The following EXOC6B variants were observed in gnomAD, a reference collection of about 807,000 sequenced individuals.
EXOC6B encodes SEC15 homolog B.
Under a neutral mutation model 113.5 loss-of-function variants are expected in EXOC6B, and 54 were observed. That is an observed-to-expected ratio of 0.48 (90% CI 0.38 to 0.60). EXOC6B has a LOEUF of 0.60. EXOC6B is among the 20% of genes least tolerant of loss of function. The pLI is 0.00. For missense variants in EXOC6B, 797 were observed against 977.5 expected, an observed-to-expected ratio of 0.82 and a Z score of 2.46; for synonymous variants, 357 against 339.0, an observed-to-expected ratio of 1.05 and a Z score of -0.58.
intron 19 of EXOC6B, among the ~76,000 whole-genome samples, chr2:72,350,603 A>G (rs1689596661): frequency 6.6e-6 from 1 of 152,200 alleles, no homozygotes; most frequent in Non-Finnish European, 1.5e-5. Flanking sequence ...TTAAAAAATA[A>G]AAAGGAGAAG....
chr2:72,710,353 T>C (rs1474868844), intron 6 of EXOC6B, among the ~76,000 whole-genome samples: 1 of 152,124 alleles, frequency 6.6e-6, no homozygotes, highest in Non-Finnish European at 1.5e-5. Flanking sequence ...GTGTGCTTTT[T>C]CACTGAAGTC....
At chr2:72,368,688 T>A (rs1374058257) in intron 19 of EXOC6B, among the ~76,000 whole-genome samples, 1 of 152,202 alleles carries the variant, frequency 6.6e-6, no homozygotes, top group Non-Finnish European at 1.5e-5. Flanking sequence ...GCTTCATCCC[T>A]GGGATGCAAG....
intron 8 of EXOC6B, among the ~76,000 whole-genome samples, chr2:72,527,850 T>C (rs951683941): frequency 1.3e-5 from 2 of 152,028 alleles, no homozygotes; most frequent in African/African-American, 2.4e-5. Context: ...TCATGTCTTT[T>C]GCTCATTTTC....
rs545507942 is a variant in EXOC6B, at chr2:72,615,808, A to G, written c.670-40140T>C. Among the ~76,000 whole-genome samples the G allele has an allele frequency of 3.9e-5, 6 of 152,302 alleles. 1 individual carries two copies. Among genetic ancestry groups the G allele is most frequent in the Admixed American group, 1.3e-4 (2 of 15,302 alleles). On this transcript the variant is annotated intron_variant, in intron 6 of 21. Coordinates refer to ENST00000272427, the MANE Select transcript of EXOC6B (RefSeq NM_015189.3). The stretch of plus-strand genomic sequence containing the variant: ...GCCTCAGGCAAGTCCTTCAGGAGGT[A>G]TTCCAGAAGAAGGCATGGTTATTAT...
intron 8 of EXOC6B, among the ~76,000 whole-genome samples, chr2:72,555,807 T>C (rs551722514): frequency 6.6e-6 from 1 of 152,118 alleles, no homozygotes; most frequent in East Asian, 1.9e-4. Context: ...GCACCACGCC[T>C]GGCTAATTTT....
chr2:72,219,627 G>A (rs916121973), intron 20 of EXOC6B, among the ~76,000 whole-genome samples: 9 of 152,006 alleles, frequency 5.9e-5, no homozygotes, highest in African/African-American at 2.2e-4. Flanking sequence ...AACAGGAAGA[G>A]GAAGGAATTA....
intron 20 of EXOC6B, among the ~76,000 whole-genome samples, chr2:72,290,340 T>C (rs1002705230): frequency 2.6e-5 from 4 of 152,182 alleles, no homozygotes; most frequent in Non-Finnish European, 5.9e-5. Flanking sequence ...TACACTCACA[T>C]ATTACCTACA....
At chr2:72,341,274 G>T (rs2104906339) in intron 19 of EXOC6B, among the ~76,000 whole-genome samples, 1 of 152,160 alleles carries the variant, frequency 6.6e-6, no homozygotes, top group African/African-American at 2.4e-5. Flanking sequence ...ATTTAAGAGG[G>T]TAGATTTCAT....
chr2:72,634,402 C>T (rs1372905394), intron 6 of EXOC6B, among the ~76,000 whole-genome samples: 1 of 152,172 alleles, frequency 6.6e-6, no homozygotes, highest in Non-Finnish European at 1.5e-5. Context: ...CCACCAAAAA[C>T]CAAGTAGGAA....
At chr2:72,636,327 AGGAG>A (rs1553457113) in intron 6 of EXOC6B, among the ~76,000 whole-genome samples, 6 of 105,702 alleles carry the variant, frequency 5.7e-5, no homozygotes, top group South Asian at 4.2e-4. Flanking sequence ...GAGGGAGGGA[AGGAG>A]GGAAGGAAGG....
chr2:72,594,192 G>T (rs532136822), intron 6 of EXOC6B, among the ~76,000 whole-genome samples: 1 of 151,870 alleles, frequency 6.6e-6, no homozygotes, highest in Admixed American at 6.6e-5. Flanking sequence ...TATGTTGCCC[G>T]GGCTGCTCTC....
chr2:72,510,830 G>C (rs1038817636), intron 11 of EXOC6B, among the ~76,000 whole-genome samples: 2 of 151,516 alleles, frequency 1.3e-5, no homozygotes, highest in African/African-American at 4.8e-5. Flanking sequence ...GAAGACAATG[G>C]GTGCACTACC....
chr2:72,506,876 T>C (rs1700622454), intron 11 of EXOC6B, among the ~76,000 whole-genome samples: 1 of 152,110 alleles, frequency 6.6e-6, no homozygotes, highest in Middle Eastern at 3.2e-3. Flanking sequence ...ATCTTTTCAG[T>C]ATTATCATAT....
chr2:72,229,756 G>C, intron 20 of EXOC6B, among the ~76,000 whole-genome samples: 1 of 152,194 alleles, frequency 6.6e-6, no homozygotes, highest in East Asian at 1.9e-4. Flanking sequence ...ATCGGTAAAT[G>C]ATAGCATATT....
chr2:72,561,013 G>A (rs560159584), intron 7 of EXOC6B, among the ~76,000 whole-genome samples: 3 of 152,040 alleles, frequency 2.0e-5, no homozygotes, highest in Non-Finnish European at 4.4e-5. Context: ...AGAGTCCACA[G>A]GTGATCATTT....
At chr2:72,698,671 A>T (rs976072961) in intron 6 of EXOC6B, among the ~76,000 whole-genome samples, 1 of 152,244 alleles carries the variant, frequency 6.6e-6, no homozygotes, top group Non-Finnish European at 1.5e-5. Context: ...CTGAAAATAC[A>T]ACCTTATCCA....
At chr2:72,425,930 T>C (rs1265223109) in intron 18 of EXOC6B, among the ~76,000 whole-genome samples, 1 of 152,226 alleles carries the variant, frequency 6.6e-6, no homozygotes, top group Admixed American at 6.5e-5. Context: ...GACATTTTTC[T>C]TAGTCTAGTC....
intron 19 of EXOC6B, among the ~76,000 whole-genome samples, chr2:72,369,851 A>G (rs972736383): frequency 1.2e-4 from 18 of 152,268 alleles, no homozygotes; most frequent in Admixed American, 1.2e-3. Flanking sequence ...CACCTTATAC[A>G]AAAATTAATT....
chr2:72,676,724 G>A (rs1676340124), intron 6 of EXOC6B, among the ~76,000 whole-genome samples: 1 of 152,142 alleles, frequency 6.6e-6, no homozygotes, highest in South Asian at 2.1e-4. Flanking sequence ...GTTGAAAGTG[G>A]AGGGGGAACC....
Sources: allele counts gnomAD v4.1 joint callset (sites outside exome capture counted in the v4.1 genomes callset), GRCh38; gene constraint gnomAD v4.1.1; transcripts MANE v1.5; gene names NCBI Gene and HGNC (gene_info 2026-07-23, HGNC 2026-07-21).